FEN1: variants seen among roughly 807,000 people sequenced by gnomAD.
FEN1 encodes flap structure-specific endonuclease 1, also known as flap endonuclease 1.
In FEN1, 19 loss-of-function variants were observed where a neutral mutation model predicts 24.7. The observed-to-expected ratio is 0.77, with a 90% CI of 0.54 to 1.13. The LOEUF is 1.13. Among genes scored for constraint, FEN1 ranks in the 50% most tolerant of loss-of-function variants. The pLI is 0.00. For missense variants in FEN1, 339 were observed against 488.7 expected, an observed-to-expected ratio of 0.69 and a Z score of 2.89; for synonymous variants, 155 against 189.2, an observed-to-expected ratio of 0.82 and a Z score of 1.48.
chr11:61,795,550 C>T lies in FEN1; in HGVS notation c.189C>T (p.His63=). 1.2e-6 allele frequency: 2 copies of T among 1,614,210 alleles called. No individual in the cohort carries two copies. The highest frequency in any genetic ancestry group is 4.5e-5 in the East Asian group (2 of 44,892). ...ATGAGGAGGGTGAGACCACCAGCCACCTGATGGGCATGTTCTACCGCACCA... is the reference window on the plus strand; with the variant it reads ...ATGAGGAGGGTGAGACCACCAGCCATCTGATGGGCATGTTCTACCGCACCA... ...LQNEEGETTS[H]LMGMFYRTIR... is the part of the protein sequence containing the mutation. Residue 63 remains histidine (H), a synonymous_variant, in exon 2 of 2, where the codon CAC becomes CAT. Coordinates refer to ENST00000305885, the MANE Select transcript of FEN1 (RefSeq NM_004111.6). This position sits in a 1 kb window ranked among gnomAD's most constrained non-coding sequence, Gnocchi z 4.1.
In FEN1 at chr11:61,796,267, T is replaced by A; in HGVS notation, c.906T>A (p.Asn302Lys). ...TGGAGCTGAAGTGGAGCGAGCCAAATGAAGAAGAGCTGATCAAGTTCATGT... is the reference window on the plus strand; with the variant it reads ...TGGAGCTGAAGTGGAGCGAGCCAAAAGAAGAAGAGCTGATCAAGTTCATGT... Reference protein sequence around the residue: ...ESVELKWSEPNEEELIKFMCG... With the variant: ...ESVELKWSEPKEEELIKFMCG... The change falls in exon 2 of 2, where the codon AAT becomes AAA. Residue 302 changes from asparagine to lysine, a missense_variant. Asn to Lys is a moderately conservative substitution (Grantham distance 94). Transcript: ENST00000305885. 1.2e-6 allele frequency: 2 copies of A among 1,612,552 alleles called. No individual in the cohort carries two copies. The highest frequency in any genetic ancestry group is 1.7e-6 in the Non-Finnish European group (2 of 1,180,030).
Position 61,796,146 on chromosome 11 carries a change from G to A in FEN1, c.785G>A (p.Arg262Gln), listed in dbSNP as rs769159675. Residue 262 changes from arginine (R) to glutamine (Q), a missense_variant, in exon 2 of 2, where the codon CGA (arginine) becomes CAA (glutamine). This residue lies in a region of FEN1 where 70 missense variants were observed against 64.9 expected (regional missense o/e 1.08). Transcript: ENST00000305885. ...AAGAGCATCGAGGAGATCGTGCGGC[G>A]ACTTGACCCCAACAAGTACCCTGTG... ...KHKSIEEIVR[R>Q]LDPNKYPVPE... 3.7e-6 allele frequency: 6 copies of A among 1,614,002 alleles called. No homozygotes were observed. Among genetic ancestry groups the A allele is most frequent in the South Asian group, 1.1e-5 (1 of 91,070 alleles).
chr11:61,793,499 GTTC>G (rs2066801658), intron 1 of FEN1, among the ~76,000 whole-genome samples: 5 of 152,168 alleles, frequency 3.3e-5, no homozygotes, highest in African/African-American at 7.2e-5. Flanking sequence ...CATGGTAATC[GTTC>G]TTCTTCTGTA....
Position 61,795,908 on chromosome 11 carries a change from C to T in FEN1, c.547C>T (p.Leu183Phe). Reference sequence around the variant, plus strand: ...TGCGGCTACCGAGGACATGGACTGCCTCACCTTCGGCAGCCCTGTGCTAAT... The same window carrying T: ...TGCGGCTACCGAGGACATGGACTGCTTCACCTTCGGCAGCCCTGTGCTAAT... ...YAAATEDMDC[L>F]TFGSPVLMRH... The change falls in exon 2 of 2, where the codon CTC becomes TTC. Residue 183 changes from leucine to phenylalanine, a missense_variant. Physicochemically the swap from Leu to Phe is conservative, Grantham distance 22. Transcript: ENST00000305885. This position sits in a 1 kb window ranked among gnomAD's most constrained non-coding sequence, Gnocchi z 4.1. The T allele has an allele frequency of 6.2e-7, 1 of 1,614,070 alleles. No individual in the cohort carries two copies. Among genetic ancestry groups the T allele is most frequent in the Non-Finnish European group, 8.5e-7 (1 of 1,180,042 alleles).
In FEN1 at chr11:61,796,614, T is replaced by C. The variant is rs2066822051; in HGVS notation, c.*110T>C. The stretch of plus-strand genomic sequence containing the variant: ...GGGTGGAGAGAGGATTCTAAGGCTT[T>C]TCTAGCGTGACCCTTTTCAGTAGTG... On this transcript the variant is annotated 3_prime_UTR_variant, in exon 2 of 2. Coordinates refer to ENST00000305885, the MANE Select transcript of FEN1 (RefSeq NM_004111.6). 8.1e-7 allele frequency: 1 copy of C among 1,235,588 alleles called. No individual in the cohort carries two copies. Among genetic ancestry groups the C allele is most frequent in the Non-Finnish European group, 1.1e-6 (1 of 904,544 alleles). The allele number at this position is 1,235,588 out of a possible 1,614,324, so 76.5% of individuals were successfully genotyped here.
At position 61,796,189 on chromosome 11, in the gene FEN1, C is replaced by T. The variant is rs764843225; in HGVS notation, c.828C>T (p.His276=). The T allele has an allele frequency of 6.2e-7, 1 of 1,613,598 alleles. No homozygotes were observed. Among genetic ancestry groups the T allele is most frequent in the Non-Finnish European group, 8.5e-7 (1 of 1,180,036 alleles). The change falls in exon 2 of 2, where the codon CAC becomes CAT. Residue 276 remains histidine (H), a synonymous_variant. Transcript: ENST00000305885. The stretch of plus-strand genomic sequence containing the variant: ...ACCCTGTGCCAGAAAATTGGCTCCA[C>T]AAGGAGGCTCACCAGCTCTTCTTGG... The part of the protein sequence containing the change: ...NKYPVPENWL[H]KEAHQLFLEP...
rs1415101384 is a variant in FEN1 at position 61,794,295 on chromosome 11, G to A, written c.-21-1046G>A. Reference sequence around the variant, plus strand: ...GGGTTCAAGCGATTCTCCTGCCTCAGCCTCCCGAGTAGCTGGGATTACAGG... The same window carrying A: ...GGGTTCAAGCGATTCTCCTGCCTCAACCTCCCGAGTAGCTGGGATTACAGG... On this transcript the variant is annotated intron_variant, in intron 1 of 1. Coordinates refer to ENST00000305885, the MANE Select transcript of FEN1 (RefSeq NM_004111.6). Among the ~76,000 whole-genome samples, 3 of 151,984 alleles carry A rather than the reference G, an allele frequency of 2.0e-5. No individual in the cohort carries two copies. The East Asian group carries it at 5.8e-4, about 29-fold the overall frequency.
chr11:61,795,521 C>A lies in FEN1; in HGVS notation c.160C>A (p.Gln54Lys), dbSNP rs765263498. 7.4e-6 allele frequency: 12 copies of A among 1,614,044 alleles called. No homozygotes were observed. In the South Asian group the frequency reaches 1.1e-4, roughly 15 times the overall value. ...IAVRQGGDVLQNEEGETTSHL... is the reference protein window; with the variant it reads ...IAVRQGGDVLKNEEGETTSHL... ...TGTTCGCCAGGGTGGGGATGTGCTG[C>A]AGAATGAGGAGGGTGAGACCACCAG... The change falls in exon 2 of 2, where the codon CAG (glutamine) becomes AAG (lysine). Residue 54 changes from glutamine (Q) to lysine (K), a missense_variant. Transcript: ENST00000305885. This position sits in a 1 kb window ranked among gnomAD's most constrained non-coding sequence, Gnocchi z 4.1.
chr11:61,796,765 G>A lies in FEN1; in HGVS notation c.*261G>A. 2.2e-6 allele frequency: 1 copy of A among 462,160 alleles called. No homozygotes were observed. Among genetic ancestry groups the A allele is most frequent in the Non-Finnish European group, 4.0e-6 (1 of 250,348 alleles). The allele number at this position is 462,160 out of a possible 1,614,324, so 28.6% of individuals were successfully genotyped here. A position where few individuals can be genotyped will look rare whatever the true frequency, so the allele number is the denominator to read the frequency against. ...CAGTTTAATGGACACTAAGTCCATT[G>A]TTACATGAAAGTGATAGATAGCAAC... is the stretch of plus-strand genomic sequence containing the variant. On this transcript the variant is annotated 3_prime_UTR_variant, in exon 2 of 2. Transcript: ENST00000305885.
At chr11:61,793,983 C>T (rs968846173) in intron 1 of FEN1, among the ~76,000 whole-genome samples, 7 of 152,162 alleles carry the variant, frequency 4.6e-5, no homozygotes, top group African/African-American at 9.7e-5. Context: ...CTTTTCTTGA[C>T]AGGGTCTTGC....
intron 1 of FEN1, among the ~76,000 whole-genome samples, chr11:61,794,343 A>ATT (rs35101797): frequency 2.1e-5 from 3 of 144,052 alleles, no homozygotes; most frequent in Non-Finnish European, 3.1e-5. Context: ...CACCCAGCTA[A>ATT]TTTTTTTTTT....
chr11:61,793,660 AATTG>A (rs1480864501), intron 1 of FEN1, among the ~76,000 whole-genome samples: 1 of 152,184 alleles, frequency 6.6e-6, no homozygotes, highest in Admixed American at 6.5e-5. Flanking sequence ...ATTAATTATT[AATTG>A]ATTAATAATC....
In FEN1 at chr11:61,795,963, A is replaced by G. The variant is rs1381476547; in HGVS notation, c.602A>G (p.Lys201Arg). The change falls in exon 2 of 2, where the codon AAG (lysine) becomes AGG (arginine). Residue 201 changes from lysine (K) to arginine (R), a missense_variant. Transcript: ENST00000305885. The surrounding 1 kb of genome is among the most constrained non-coding windows in gnomAD (Gnocchi z 4.1). ...CACCTGACTGCCAGTGAAGCCAAAA[A>G]GCTGCCAATCCAGGAATTCCACCTG... Reference protein sequence around the residue: ...MRHLTASEAKKLPIQEFHLSR... With the variant: ...MRHLTASEAKRLPIQEFHLSR... 1 of 1,614,078 alleles carries G rather than the reference A, an allele frequency of 6.2e-7. No individual in the cohort carries two copies. The highest frequency in any genetic ancestry group is 8.5e-7 in the Non-Finnish European group (1 of 1,180,058).
chr11:61,794,201 G>A (rs2066807067), intron 1 of FEN1, among the ~76,000 whole-genome samples: 1 of 152,036 alleles, frequency 6.6e-6, no homozygotes, highest in Non-Finnish European at 1.5e-5. Context: ...TTTTTGAGAC[G>A]GAGTCTCACT....
At position 61,796,183 on chromosome 11, in the gene FEN1, G is replaced by A. The variant is rs759153619; in HGVS notation, c.822G>A (p.Trp274Ter). ...ACAAGTACCCTGTGCCAGAAAATTG[G>A]CTCCACAAGGAGGCTCACCAGCTCT... ...DPNKYPVPENWLHKEAHQLFL... is the reference protein window; with the variant it reads ...DPNKYPVPEN Residue 274 changes from tryptophan to a stop codon, truncating the protein, a stop_gained, in exon 2 of 2, where the codon TGG becomes TGA. Transcript: ENST00000305885. LOFTEE classifies it high-confidence loss of function. 3 of 1,613,648 alleles carry A rather than the reference G, an allele frequency of 1.9e-6. No homozygotes were observed. The African/African-American group carries it at 4.0e-5, about 22-fold the overall frequency.
At position 61,797,139 on chromosome 11, in the gene FEN1, C is replaced by G. The variant is rs2066824654; in HGVS notation, c.*635C>G. On this transcript the variant is annotated 3_prime_UTR_variant, in exon 2 of 2. Transcript: ENST00000305885. ...GAGTAAGATGGTGATGTTCACCTGG[C>G]AATCAGCTGAGTTGAGACTTTGGAA... The G allele has an allele frequency of 6.0e-6, 1 of 167,282 alleles. No individual in the cohort carries two copies. The highest frequency in any genetic ancestry group is 2.1e-4 in the South Asian group (1 of 4,820). The allele number at this position is 167,282 out of a possible 1,614,324, so 10.4% of individuals were successfully genotyped here.
chr11:61,792,973 C>T lies in FEN1; in HGVS notation c.-77C>T. 1 of 198,442 alleles carries T rather than the reference C, an allele frequency of 5.0e-6. No homozygotes were observed. Among genetic ancestry groups the T allele is most frequent in the South Asian group, 6.5e-5 (1 of 15,386 alleles). The allele number at this position is 198,442 out of a possible 1,614,324, so 12.3% of individuals were successfully genotyped here. ...GGAGAGCGAGCTTAGGACCGCCTGC[C>T]CGGGGCAACCCCGAACCAAGCTTTA... On this transcript the variant is annotated 5_prime_UTR_variant, in exon 1 of 2. Transcript: ENST00000305885.
intron 1 of FEN1, among the ~76,000 whole-genome samples, chr11:61,794,963 C>G (rs2066811274): frequency 6.6e-6 from 1 of 152,180 alleles, no homozygotes; most frequent in African/African-American, 2.4e-5. Context: ...GCCTGTCTTT[C>G]AGGTCTGCCA....
Position 61,795,830 on chromosome 11 carries a change from A to G in FEN1, c.469A>G (p.Ser157Gly). ...LMGIPYLDAPSEAEASCAALV... is the reference protein window; with the variant it reads ...LMGIPYLDAPGEAEASCAALV... The stretch of plus-strand genomic sequence containing the variant: ...GGGCATCCCTTATCTTGATGCACCC[A>G]GTGAGGCAGAGGCCAGCTGTGCTGC... The change falls in exon 2 of 2, where the codon AGT becomes GGT. Residue 157 changes from serine to glycine, a missense_variant. Physicochemically the swap from Ser to Gly is moderately conservative, Grantham distance 56. Transcript: ENST00000305885. This position sits in a 1 kb window ranked among gnomAD's most constrained non-coding sequence, Gnocchi z 4.1. 6.2e-7 allele frequency: 1 copy of G among 1,614,038 alleles called. No homozygotes were observed.
Sources: allele counts gnomAD v4.1 joint callset (sites outside exome capture counted in the v4.1 genomes callset), GRCh38; gene constraint gnomAD v4.1.1; regional missense constraint gnomAD v4.1.1; non-coding constraint Gnocchi (gnomAD v3.1); transcripts MANE v1.5; gene names NCBI Gene and HGNC (gene_info 2026-07-23, HGNC 2026-07-21).